IGBP1: variants seen among roughly 807,000 people sequenced by gnomAD.
The protein encoded by IGBP1 is immunoglobulin-binding protein 1.
Under a neutral mutation model 25.9 loss-of-function variants are expected in IGBP1, and 2 were observed. That is an observed-to-expected ratio of 0.08 (90% confidence interval 0.03 to 0.24). IGBP1 has a LOEUF of 0.24. IGBP1 is among the 10% of genes least tolerant of loss of function. IGBP1 has a pLI of 1.00. For synonymous variants in IGBP1, 96 were observed against 93.4 expected (o/e 1.03, Z -0.16); for missense variants, 187 against 260.4 (o/e 0.72, Z 1.94).
intron 6 of IGBP1, among the ~76,000 whole-genome samples, chrX:70,163,133 G>C (rs762057318): frequency 9.0e-6 from 1 of 110,763 alleles, no homozygotes; most frequent in South Asian, 3.8e-4. Context: ...TCAGCCTCTC[G>C]AGTGAGTAGG....
At chrX:70,142,190 G>C (rs972099994) in intron 3 of IGBP1, among the ~76,000 whole-genome samples, 1 of 111,252 alleles carries the variant, frequency 9.0e-6, no homozygotes, top group Admixed American at 9.6e-5. Flanking sequence ...AAAATTAGCT[G>C]GGTGGTGGTG....
chrX:70,138,346 G>A (rs1246466094), intron 3 of IGBP1, among the ~76,000 whole-genome samples: 1 of 109,452 alleles, frequency 9.1e-6, no homozygotes, highest in East Asian at 2.9e-4. Flanking sequence ...AACTAGCCAG[G>A]TATGGTGGCA....
chrX:70,146,664 T>C lies in IGBP1; in HGVS notation c.514T>C (p.Leu172=), dbSNP rs1201408006. The C allele has an allele frequency of 4.1e-6, 5 of 1,205,808 alleles. No homozygotes were observed. The Admixed American group carries it at 1.1e-4, about 27-fold the overall frequency. The change falls in exon 4 of 7, where the codon TTG becomes CTG. Residue 172 remains leucine (L), a synonymous_variant. Transcript: ENST00000356413. ...GCAGAAGAAGGAGTTGGAGCATAGG[T>C]TGTCTGCAATGAAATCTGCTGTGGA... The part of the protein sequence containing the change: ...YKQKKELEHR[L]SAMKSAVESG...
intron 3 of IGBP1, among the ~76,000 whole-genome samples, chrX:70,142,413 CAGTAG>C (rs1429886643): frequency 1.8e-5 from 2 of 110,968 alleles, no homozygotes; most frequent in African/African-American, 6.6e-5. Context: ...GGAAAGGCAC[CAGTAG>C]AGTGAAAAAC....
chrX:70,146,816 C>T lies in IGBP1; in HGVS notation c.666C>T (p.Asp222=), dbSNP rs186105696. Residue 222 remains aspartate (D), a synonymous_variant, in exon 4 of 7, where the codon GAC becomes GAT. Coordinates refer to ENST00000356413, the MANE Select transcript of IGBP1 (RefSeq NM_001551.3). ...DQEIKILRER[D]SSREASTSNS... Reference sequence around the variant, plus strand: ...AAATAAAGATCCTGAGAGAAAGAGACTCTTCAAGAGAGGTAAGCCTGGCCA... The same window carrying T: ...AAATAAAGATCCTGAGAGAAAGAGATTCTTCAAGAGAGGTAAGCCTGGCCA... 53 of 1,195,102 alleles carry T rather than the reference C, an allele frequency of 4.4e-5. No homozygotes were observed. Among genetic ancestry groups the T allele is most frequent in the Admixed American group, 6.6e-5 (3 of 45,632 alleles).
intron 3 of IGBP1, among the ~76,000 whole-genome samples, chrX:70,142,916 G>GTTT (rs772662468): frequency 4.5e-3 from 220 of 48,912 alleles, no homozygotes; most frequent in South Asian, 6.8e-3. Flanking sequence ...TTATCGAGTT[G>GTTT]TTTTTTTTTT....
chrX:70,139,488 C>G (rs1438757993), intron 3 of IGBP1, among the ~76,000 whole-genome samples: 1 of 111,207 alleles, frequency 9.0e-6, no homozygotes, highest in Non-Finnish European at 1.9e-5. Context: ...GTATTACTAG[C>G]CCAGACCCCT....
intron 6 of IGBP1, among the ~76,000 whole-genome samples, chrX:70,163,071 G>A (rs1477873889): frequency 1.8e-5 from 2 of 110,174 alleles, no homozygotes; most frequent in African/African-American, 6.6e-5. Context: ...TATTTTTTTA[G>A]AGGTGGGTCT....
At chrX:70,165,116 A>G (rs1171434508) in intron 6 of IGBP1, 1 of 112,209 alleles carries the variant, frequency 8.9e-6, no homozygotes, top group Non-Finnish European at 1.9e-5. Flanking sequence ...CATTTCATTC[A>G]TAGTAATGAG....
At chrX:70,154,034 C>T (rs1271395913) in intron 6 of IGBP1, among the ~76,000 whole-genome samples, 2 of 106,535 alleles carry the variant, frequency 1.9e-5, no homozygotes, top group Non-Finnish European at 3.9e-5. Flanking sequence ...GTGCACCATC[C>T]TTGAGGCCCC....
chrX:70,151,581 AAAAT>A (rs1298102276), intron 6 of IGBP1, among the ~76,000 whole-genome samples: 2 of 111,858 alleles, frequency 1.8e-5, no homozygotes, highest in African/African-American at 6.5e-5. Context: ...AAAAAAAATA[AAAAT>A]AAATAAGATG....
chrX:70,138,293 C>A (rs906577529), intron 3 of IGBP1, among the ~76,000 whole-genome samples: 3 of 110,348 alleles, frequency 2.7e-5, no homozygotes, highest in Non-Finnish European at 5.7e-5. Context: ...CCAGCCTAGG[C>A]AACAAAGTAA....
At chrX:70,136,713 AT>A (rs2085096853) in intron 3 of IGBP1, among the ~76,000 whole-genome samples, 1 of 106,369 alleles carries the variant, frequency 9.4e-6, no homozygotes, top group African/African-American at 3.5e-5. Flanking sequence ...TATTATTATT[AT>A]TATTATTATT....
intron 4 of IGBP1, 183 bp from the exon 5 acceptor site, chrX:70,148,578 C>A (rs2085181702): frequency 2.2e-6 from 1 of 445,977 alleles, no homozygotes; most frequent in Admixed American, 3.7e-5. Flanking sequence ...GGTACTCAGG[C>A]CCCCTCAGGA....
Position 70,148,893 on chromosome X carries a change from G to A in IGBP1, c.758+53G>A, listed in dbSNP as rs757054439. On this transcript the variant is annotated intron_variant, in intron 5 of 6. Coordinates refer to ENST00000356413, the MANE Select transcript of IGBP1 (RefSeq NM_001551.3). ...CAGCCCTCTGCTTTTATGGTTCAAT[G>A]TGGCAATTCATTAGTGACCCACAGA... 30 of 866,410 alleles carry A rather than the reference G, an allele frequency of 3.5e-5. No homozygotes were observed. The South Asian group carries it at 5.4e-4, about 16-fold the overall frequency. 71.4% of individuals were successfully genotyped at this position (866,410 alleles called of 1,213,427 possible).
intron 6 of IGBP1, among the ~76,000 whole-genome samples, chrX:70,152,223 T>C (rs1026904411): frequency 2.7e-5 from 3 of 110,870 alleles, no homozygotes; most frequent in Non-Finnish European, 5.7e-5. Context: ...CCTACTGAAA[T>C]CTCTGGCTGA....
At chrX:70,136,728 A>AT (rs2085097419) in intron 3 of IGBP1, among the ~76,000 whole-genome samples, 1 of 105,425 alleles carries the variant, frequency 9.5e-6, no homozygotes, top group African/African-American at 3.7e-5. Context: ...TATTATTATT[A>AT]TACAGAGTTT....
At chrX:70,152,062 G>A (rs1388679136) in intron 6 of IGBP1, among the ~76,000 whole-genome samples, 1 of 111,420 alleles carries the variant, frequency 9.0e-6, no homozygotes, top group Non-Finnish European at 1.9e-5. Flanking sequence ...TTACTATGAT[G>A]TAACTGCATG....
intron 6 of IGBP1, among the ~76,000 whole-genome samples, chrX:70,162,702 G>A (rs995859104): frequency 2.3e-4 from 26 of 112,069 alleles, no homozygotes; most frequent in Non-Finnish European, 4.3e-4. Flanking sequence ...GGCCGGGCGC[G>A]GTGGCTCACG....
Sources: allele counts gnomAD v4.1 joint callset (sites outside exome capture counted in the v4.1 genomes callset), GRCh38; gene constraint gnomAD v4.1.1; transcripts MANE v1.5; gene names NCBI Gene and HGNC (gene_info 2026-07-23, HGNC 2026-07-21).